Variants in NMNAT3 observed in about 807,000 individuals in gnomAD.
NMNAT3 encodes the protein nicotinamide/nicotinic acid mononucleotide adenylyltransferase 3.
A neutral mutation model predicts 24.8 loss-of-function variants in NMNAT3; 21 were observed. The observed-to-expected ratio is 0.85, with a 90% CI of 0.60 to 1.22. The LOEUF (loss-of-function observed/expected upper bound fraction) is 1.22. Ranked by LOEUF, NMNAT3 falls within the 50% of genes most tolerant of loss-of-function variation. NMNAT3 has a pLI of 0.00. For missense variants in NMNAT3, 387 were observed against 436.6 expected, an observed-to-expected ratio of 0.89 and a Z score of 1.01; for synonymous variants, 136 against 155.2, an observed-to-expected ratio of 0.88 and a Z score of 0.92.
intron 4 of NMNAT3, among the ~76,000 whole-genome samples, chr3:139,582,202 A>G (rs1419378161): frequency 6.6e-6 from 1 of 150,916 alleles, no homozygotes; most frequent in Non-Finnish European, 1.5e-5. Context: ...AAAAAAAAAA[A>G]AAAAAAAAAA....
At chr3:139,664,262 AT>A (rs1211024035) in intron 1 of NMNAT3, among the ~76,000 whole-genome samples, 1 of 152,200 alleles carries the variant, frequency 6.6e-6, no homozygotes, top group Non-Finnish European at 1.5e-5. Context: ...TGAAATTCAA[AT>A]TTTGAATCAC....
At chr3:139,565,244 T>C (rs180860919) in intron 6 of NMNAT3, among the ~76,000 whole-genome samples, 13 of 152,338 alleles carry the variant, frequency 8.5e-5, no homozygotes, top group African/African-American at 3.1e-4. Context: ...TGTCCCAATC[T>C]CTAATTATTT....
chr3:139,605,144 C>T (rs1049370313), intron 3 of NMNAT3, among the ~76,000 whole-genome samples: 6 of 152,274 alleles, frequency 3.9e-5, no homozygotes, highest in Admixed American at 3.3e-4. Context: ...TAGCAAGACC[C>T]ACTGGAGGCA....
At chr3:139,677,499 C>T (rs1376420417) in intron 1 of NMNAT3, among the ~76,000 whole-genome samples, 1 of 152,218 alleles carries the variant, frequency 6.6e-6, no homozygotes, top group African/African-American at 2.4e-5. Flanking sequence ...GGTTGACACG[C>T]TGCAGCGAGA....
intron 1 of NMNAT3, among the ~76,000 whole-genome samples, chr3:139,640,100 C>T (rs186567360): frequency 6.6e-6 from 1 of 152,338 alleles, no homozygotes; most frequent in African/African-American, 2.4e-5. Flanking sequence ...TAGTCCCATG[C>T]ACCAGCAGGA....
At chr3:139,595,303 A>T (rs1475474552) in intron 3 of NMNAT3, among the ~76,000 whole-genome samples, 1 of 152,186 alleles carries the variant, frequency 6.6e-6, no homozygotes, top group Non-Finnish European at 1.5e-5. Context: ...TGCTCAAGGA[A>T]ATGAAAGAGG....
At chr3:139,666,444 A>G (rs114319637) in intron 1 of NMNAT3, among the ~76,000 whole-genome samples, 1,531 of 152,322 alleles carry the variant, frequency 0.01, 31 homozygotes, top group African/African-American at 0.035. Flanking sequence ...TGAGTGAGAA[A>G]GCCTTTTAAA....
intron 3 of NMNAT3, among the ~76,000 whole-genome samples, chr3:139,623,341 A>G (rs758868861): frequency 7.9e-5 from 12 of 152,180 alleles, no homozygotes; most frequent in Non-Finnish European, 1.5e-4. Context: ...GAAGGTCTGC[A>G]GGGGCAGAAA....
intron 3 of NMNAT3, among the ~76,000 whole-genome samples, chr3:139,593,742 A>G (rs2054312479): frequency 1.3e-5 from 2 of 148,686 alleles, no homozygotes; most frequent in Non-Finnish European, 3.0e-5. Flanking sequence ...AGGCAGAAAT[A>G]AAGATGTTCT....
intron 3 of NMNAT3, among the ~76,000 whole-genome samples, chr3:139,625,547 A>C (rs536332180): frequency 3.9e-5 from 6 of 152,278 alleles, no homozygotes; most frequent in African/African-American, 1.4e-4. Flanking sequence ...TCTATCTTTA[A>C]GTGATGTTAT....
At position 139,587,054 on chromosome 3, in the gene NMNAT3, G is replaced by A. The variant is rs148464203; in HGVS notation, c.110-3846C>T. Reference sequence around the variant, plus strand: ...GTTAGAGCAGTGGAGTTTATATTTTGCTTCCCATCTGGAATTCTGGAAGAC... The same window carrying A: ...GTTAGAGCAGTGGAGTTTATATTTTACTTCCCATCTGGAATTCTGGAAGAC... On this transcript the variant is annotated intron_variant, in intron 3 of 6. Transcript: ENST00000643695. Among the ~76,000 whole-genome samples, 276 of 152,362 alleles carry A rather than the reference G, an allele frequency of 1.8e-3. 1 individual carries two copies. Among genetic ancestry groups the A allele is most frequent in the African/African-American group, 4.4e-3 (184 of 41,584 alleles).
intron 1 of NMNAT3, among the ~76,000 whole-genome samples, chr3:139,659,730 C>A (rs77431395): frequency 0.017 from 2,566 of 152,324 alleles, 72 homozygotes; most frequent in African/African-American, 0.059. Flanking sequence ...AAAAATCCTC[C>A]TGGCCTGGGC....
intron 5 of NMNAT3, chr3:139,576,048 A>G: frequency 7.8e-7 from 1 of 1,288,258 alleles, no homozygotes; most frequent in Non-Finnish European, 1.0e-6. Context: ...ACTATCTTAT[A>G]GGGAAAGAAG....
chr3:139,637,416 T>A (rs538148696), intron 2 of NMNAT3: 1 of 152,280 alleles, frequency 6.6e-6, no homozygotes, highest in South Asian at 2.1e-4. Flanking sequence ...CCTCTATAGA[T>A]CCCACACAAC....
At chr3:139,625,765 A>G (rs1244615220) in intron 3 of NMNAT3, among the ~76,000 whole-genome samples, 1 of 152,092 alleles carries the variant, frequency 6.6e-6, no homozygotes, top group Non-Finnish European at 1.5e-5. Flanking sequence ...GTGTTGGTCC[A>G]TGCTTCTGTT....
At chr3:139,613,516 T>A (rs575741000) in intron 3 of NMNAT3, among the ~76,000 whole-genome samples, 5 of 152,140 alleles carry the variant, frequency 3.3e-5, no homozygotes, top group Non-Finnish European at 7.4e-5. Context: ...GAGAAATACG[T>A]ACACTTTTAC....
intron 6 of NMNAT3, chr3:139,570,606 C>T (rs898228107): frequency 2.0e-5 from 3 of 152,328 alleles, no homozygotes; most frequent in African/African-American, 7.2e-5. Flanking sequence ...GCTAGAGGTC[C>T]CCTCCAGACC....
chr3:139,580,991 G>A (rs1172695669), intron 4 of NMNAT3, among the ~76,000 whole-genome samples: 1 of 152,136 alleles, frequency 6.6e-6, no homozygotes, highest in African/African-American at 2.4e-5. Flanking sequence ...GAAATTACAT[G>A]TTATTAATAA....
intron 3 of NMNAT3, among the ~76,000 whole-genome samples, chr3:139,596,942 ATATATATATATATATATATATATT>A (rs1260250861): frequency 3.1e-5 from 4 of 127,574 alleles, no homozygotes; most frequent in East Asian, 2.2e-4. Context: ...ATATATATAT[ATATATATATATATATATATATATT>A]TTTATTACAT....
Sources: allele counts gnomAD v4.1 joint callset (sites outside exome capture counted in the v4.1 genomes callset), GRCh38; gene constraint gnomAD v4.1.1; transcripts MANE v1.5; gene names NCBI Gene and HGNC (gene_info 2026-07-23, HGNC 2026-07-21).